The following GPC5 variants were observed in gnomAD, a reference collection of about 807,000 sequenced individuals.
GPC5 encodes glypican-5.
In GPC5, 47 loss-of-function variants were observed where a neutral mutation model predicts 53.9. That is an observed-to-expected ratio of 0.87 (90% CI 0.69 to 1.11). The LOEUF (loss-of-function observed/expected upper bound fraction) is 1.11. Ranked by LOEUF, GPC5 falls within the 50% of genes most tolerant of loss-of-function variation. The pLI, the probability that GPC5 is intolerant of heterozygous loss-of-function variation, is 0.00. For missense variants in GPC5, 748 were observed against 713.1 expected, an observed-to-expected ratio of 1.05 and a Z score of -0.56; for synonymous variants, 286 against 263.3, an observed-to-expected ratio of 1.09 and a Z score of -0.84.
chr13:92,508,772 A>AC (rs1880464735), intron 7 of GPC5, among the ~76,000 whole-genome samples: 1 of 152,214 alleles, frequency 6.6e-6, no homozygotes, highest in African/African-American at 2.4e-5. Flanking sequence ...GAGGTAAAAC[A>AC]ATTTAATAAA....
chr13:92,864,820 T>A (rs1343263560), intron 7 of GPC5, among the ~76,000 whole-genome samples: 1 of 152,192 alleles, frequency 6.6e-6, no homozygotes, highest in Non-Finnish European at 1.5e-5. Flanking sequence ...TTCGTTTTAG[T>A]GCTCTCATGT....
chr13:92,232,510 A>T (rs1035243426), intron 7 of GPC5, among the ~76,000 whole-genome samples: 1 of 152,220 alleles, frequency 6.6e-6, no homozygotes, highest in Non-Finnish European at 1.5e-5. Flanking sequence ...TGTCTGGCAG[A>T]TCATCTGTTA....
chr13:92,012,671 A>G (rs1433221736), intron 6 of GPC5, among the ~76,000 whole-genome samples: 1 of 152,244 alleles, frequency 6.6e-6, no homozygotes, highest in Non-Finnish European at 1.5e-5. Flanking sequence ...CTGATACTGG[A>G]TCACTGGATT....
chr13:92,362,012 C>T (rs1010518300), intron 7 of GPC5, among the ~76,000 whole-genome samples: 4 of 151,578 alleles, frequency 2.6e-5, no homozygotes, highest in Non-Finnish European at 5.9e-5. Context: ...CCTGTAGATG[C>T]AGATTCATAT....
At chr13:92,312,768 AC>A (rs2043153644) in intron 7 of GPC5, among the ~76,000 whole-genome samples, 1 of 152,174 alleles carries the variant, frequency 6.6e-6, no homozygotes, top group African/African-American at 2.4e-5. Flanking sequence ...TTAACAAGTA[AC>A]ATTTCTGTTT....
intron 7 of GPC5, among the ~76,000 whole-genome samples, chr13:92,709,018 G>A (rs1160660166): frequency 6.7e-6 from 1 of 149,960 alleles, no homozygotes; most frequent in East Asian, 2.0e-4. Flanking sequence ...AAGTAGCTGG[G>A]CCTGCAGGCA....
chr13:92,866,233 A>G, intron 7 of GPC5, 49 bp from the exon 8 acceptor site: 2 of 1,540,614 alleles, frequency 1.3e-6, no homozygotes, highest in Non-Finnish European at 1.8e-6. Flanking sequence ...TAGACGTATT[A>G]TGGTGAAGTG....
At chr13:91,977,982 AG>A (rs2040321885) in intron 6 of GPC5, among the ~76,000 whole-genome samples, 1 of 148,104 alleles carries the variant, frequency 6.8e-6, no homozygotes, top group Non-Finnish European at 1.5e-5. Context: ...AAAGAAAGAA[AG>A]AAAAGAAAAA....
At chr13:92,262,472 T>G (rs2042773739) in intron 7 of GPC5, among the ~76,000 whole-genome samples, 1 of 152,226 alleles carries the variant, frequency 6.6e-6, no homozygotes, top group Non-Finnish European at 1.5e-5. Flanking sequence ...TCTCTAGCTT[T>G]CTTTCAGAGT....
At chr13:91,423,534 C>T (rs1239882630) in intron 1 of GPC5, among the ~76,000 whole-genome samples, 4 of 151,732 alleles carry the variant, frequency 2.6e-5, no homozygotes, top group Non-Finnish European at 5.9e-5. Flanking sequence ...CTTAAGAAGC[C>T]TACTATGTAT....
chr13:91,557,125 C>T (rs1009321905), intron 2 of GPC5, among the ~76,000 whole-genome samples: 1 of 152,004 alleles, frequency 6.6e-6, no homozygotes, highest in Non-Finnish European at 1.5e-5. Flanking sequence ...AAAGAAACTA[C>T]CAAATTATTT....
chr13:92,020,913 C>T (rs1359108384), intron 6 of GPC5, among the ~76,000 whole-genome samples: 2 of 151,912 alleles, frequency 1.3e-5, no homozygotes, highest in East Asian at 1.9e-4. Flanking sequence ...TTGCCAAGAC[C>T]GATGGCATGA....
At chr13:92,478,344 T>C (rs1879227565) in intron 7 of GPC5, among the ~76,000 whole-genome samples, 1 of 152,188 alleles carries the variant, frequency 6.6e-6, no homozygotes, top group Admixed American at 6.6e-5. Context: ...GAAGAAACTA[T>C]ACTGTTAAAG....
At chr13:92,811,395 T>C (rs1877294406) in intron 7 of GPC5, among the ~76,000 whole-genome samples, 1 of 151,996 alleles carries the variant, frequency 6.6e-6, no homozygotes, top group Non-Finnish European at 1.5e-5. Context: ...TTGAGTATCT[T>C]TGTAAGGTGC....
chr13:92,722,237 G>A (rs1203645206), intron 7 of GPC5, among the ~76,000 whole-genome samples: 1 of 151,990 alleles, frequency 6.6e-6, no homozygotes, highest in African/African-American at 2.4e-5. Flanking sequence ...TGTAGTTTGT[G>A]TATGGTTTTA....
rs546823912 is a variant in GPC5 at position 91,893,115 on chromosome 13, A to G, written c.1281-14822A>G. Among the ~76,000 whole-genome samples, 3 of 152,092 alleles carry G rather than the reference A, an allele frequency of 2.0e-5. No individual in the cohort carries two copies. In the South Asian group the frequency reaches 6.2e-4, roughly 32 times the overall value. Reference sequence around the variant, plus strand: ...TTTATTAAACAAGCAATATTAAATTACTCTCACATATCAAAGATTTACACA... The same window carrying G: ...TTTATTAAACAAGCAATATTAAATTGCTCTCACATATCAAAGATTTACACA... On this transcript the variant is annotated intron_variant, in intron 5 of 7. Coordinates refer to ENST00000377067, the MANE Select transcript of GPC5 (RefSeq NM_004466.6).
intron 2 of GPC5, among the ~76,000 whole-genome samples, chr13:91,469,996 G>A (rs746328772): frequency 1.2e-4 from 18 of 152,090 alleles, no homozygotes; most frequent in Non-Finnish European, 2.6e-4. Flanking sequence ...CTGAGATCAC[G>A]CTATTGCACT....
At chr13:92,784,532 G>A (rs1006455514) in intron 7 of GPC5, among the ~76,000 whole-genome samples, 11 of 151,662 alleles carry the variant, frequency 7.3e-5, no homozygotes, top group African/African-American at 2.7e-4. Context: ...TATCTAAAAG[G>A]TCACTTCATC....
intron 2 of GPC5, among the ~76,000 whole-genome samples, chr13:91,679,462 T>G (rs2035458126): frequency 6.6e-6 from 1 of 152,180 alleles, no homozygotes; most frequent in Non-Finnish European, 1.5e-5. Flanking sequence ...CAGTAAGAAA[T>G]ATTTGCTTCA....
Sources: gnomAD v4.1 joint callset for allele counts (sites outside exome capture counted in the v4.1 genomes callset) on GRCh38, gnomAD v4.1.1 for gene constraint, MANE v1.5 for transcripts, NCBI Gene and HGNC (gene_info 2026-07-23, HGNC 2026-07-21) for gene names.